AGPAT3: variants seen among roughly 807,000 people sequenced by gnomAD.
AGPAT3 encodes 1-acylglycerol-3-phosphate O-acyltransferase 3.
In AGPAT3, 5 loss-of-function variants were observed where a neutral mutation model predicts 47.3. That is an observed-to-expected ratio of 0.11 (90% CI 0.06 to 0.22). The LOEUF (loss-of-function observed/expected upper bound fraction) is 0.22, where lower values mean the gene tolerates loss of function less well. Ranked by LOEUF, AGPAT3 falls within the 10% of genes least tolerant of loss-of-function variation. AGPAT3 has a pLI of 1.00. For synonymous variants in AGPAT3, 212 were observed against 208.3 expected, an observed-to-expected ratio of 1.02 and a Z score of -0.15; for missense variants, 315 against 493.0, an observed-to-expected ratio of 0.64 and a Z score of 3.42.
rs1285326769 is a variant in AGPAT3, at chr21:43,985,913, C to T, written c.*3521C>T. 6.6e-6 allele frequency: 1 copy of T among 152,594 alleles called. No individual in the cohort carries two copies. Among genetic ancestry groups the T allele is most frequent in the Non-Finnish European group, 1.5e-5 (1 of 68,340 alleles). 9.5% of individuals were successfully genotyped at this position (152,594 alleles called of 1,614,324 possible). On this transcript the variant is annotated 3_prime_UTR_variant, in exon 10 of 10. Coordinates refer to ENST00000291572, the MANE Select transcript of AGPAT3 (RefSeq NM_020132.5). ...ACGGCCAGCCCGAAAAGCCTGCCTGCCTTCTTTCTGGAAACAGCACGTCCC... is the reference window on the plus strand; with the variant it reads ...ACGGCCAGCCCGAAAAGCCTGCCTGTCTTCTTTCTGGAAACAGCACGTCCC...
At chr21:43,975,251 G>A (rs1601472892) in intron 7 of AGPAT3, among the ~76,000 whole-genome samples, 1 of 149,826 alleles carries the variant, frequency 6.7e-6, no homozygotes, top group Admixed American at 6.7e-5. Context: ...GTGTGCTGGT[G>A]TGTGGTGTGT....
chr21:43,890,056 G>A (rs924030669), intron 1 of AGPAT3, among the ~76,000 whole-genome samples: 6 of 152,130 alleles, frequency 3.9e-5, no homozygotes, highest in African/African-American at 1.2e-4. Flanking sequence ...CTGACATTTT[G>A]GATCTGTGTC....
chr21:43,905,054 G>A (rs1319449567), intron 2 of AGPAT3, among the ~76,000 whole-genome samples: 1 of 152,052 alleles, frequency 6.6e-6, no homozygotes, highest in Non-Finnish European at 1.5e-5. Context: ...TAGTCATGGC[G>A]GACCTCAAAC....
At chr21:43,894,058 C>A (rs1273630790) in intron 1 of AGPAT3, among the ~76,000 whole-genome samples, 1 of 152,182 alleles carries the variant, frequency 6.6e-6, no homozygotes, top group African/African-American at 2.4e-5. Flanking sequence ...CGAAGCCAGG[C>A]ACAGTGAACA....
In AGPAT3 at chr21:43,907,944, G is replaced by A. The variant is rs531561014; in HGVS notation, c.-49+3925G>A. 7.3e-4 allele frequency among the ~76,000 whole-genome samples: 111 copies of A among 152,314 alleles called. 1 individual carries two copies. Among genetic ancestry groups the A allele is most frequent in the African/African-American group, 2.5e-3 (103 of 41,566 alleles). On this transcript the variant is annotated intron_variant, in intron 2 of 9. Coordinates refer to ENST00000291572, the MANE Select transcript of AGPAT3 (RefSeq NM_020132.5). ...CGCGCCCTCTCCGTCGCACGGCTCC[G>A]TGTGCTGGAGACCCCACGGGACCGA...
chr21:43,885,120 T>C (rs2085944559), intron 1 of AGPAT3, among the ~76,000 whole-genome samples: 1 of 152,172 alleles, frequency 6.6e-6, no homozygotes, highest in African/African-American at 2.4e-5. Context: ...CCGGCCGTGC[T>C]CCCCTCACCC....
chr21:43,893,251 A>G (rs895725676), intron 1 of AGPAT3, among the ~76,000 whole-genome samples: 3 of 152,124 alleles, frequency 2.0e-5, no homozygotes, highest in Non-Finnish European at 4.4e-5. Flanking sequence ...AAATCTCCTG[A>G]GCCAGCAGCC....
intron 2 of AGPAT3, among the ~76,000 whole-genome samples, chr21:43,929,810 A>C (rs1175480450): frequency 1.3e-5 from 2 of 152,212 alleles, no homozygotes; most frequent in African/African-American, 4.8e-5. Flanking sequence ...CTCTCTGTTG[A>C]GGTCCTGCCT....
At chr21:43,903,571 C>T (rs1359189151) in intron 1 of AGPAT3, among the ~76,000 whole-genome samples, 1 of 152,178 alleles carries the variant, frequency 6.6e-6, no homozygotes, top group African/African-American at 2.4e-5. Context: ...GCATGTAAGG[C>T]TGGTGTAGCT....
At chr21:43,905,089 G>C (rs1233852591) in intron 2 of AGPAT3, among the ~76,000 whole-genome samples, 1 of 152,022 alleles carries the variant, frequency 6.6e-6, no homozygotes, top group Non-Finnish European at 1.5e-5. Context: ...TCTGAGCTGG[G>C]TGCTGAATGC....
Position 43,970,639 on chromosome 21 carries a change from C to G in AGPAT3, c.511-14C>G, listed in dbSNP as rs374771233. The G allele has an allele frequency of 2.4e-5, 39 of 1,612,854 alleles. No homozygotes were observed. Among genetic ancestry groups the G allele is most frequent in the Non-Finnish European group, 3.1e-5 (37 of 1,179,462 alleles). On this transcript the variant is annotated splice_polypyrimidine_tract_variant and intron_variant, in intron 5 of 9. Coordinates refer to ENST00000291572, the MANE Select transcript of AGPAT3 (RefSeq NM_020132.5). The surrounding 1 kb of genome is among the most constrained non-coding windows in gnomAD (Gnocchi z 5.8). ...CTGCTCTGTGGAGTGACCCTGTCTC[C>G]GTGTTGATCCTAGTTTCTCCTGTAC...
rs11370715 is a variant in AGPAT3 at position 43,894,217 on chromosome 21, C to CTT, written c.-111-9725_-111-9724dup. On this transcript the variant is annotated intron_variant, in intron 1 of 9. Coordinates refer to ENST00000291572, the MANE Select transcript of AGPAT3 (RefSeq NM_020132.5). Reference sequence around the variant, plus strand: ...GGGCCAGGTATTTCTTTCTTTCTTTCTTTTTTTTTTTTTTTTAACTTCTCT... The same window carrying CTT: ...GGGCCAGGTATTTCTTTCTTTCTTTCTTTTTTTTTTTTTTTTTTAACTTCTCT... Among the ~76,000 whole-genome samples the CTT allele has an allele frequency of 6.1e-3, 851 of 140,222 alleles. 9 individuals carry two copies. The highest frequency in any genetic ancestry group is 0.02 in the African/African-American group (745 of 37,854). The allele number at this position is 140,222 out of a possible 152,430, so 92.0% of individuals were successfully genotyped here.
intron 2 of AGPAT3, among the ~76,000 whole-genome samples, chr21:43,957,294 G>A (rs961846734): frequency 6.6e-6 from 1 of 152,208 alleles, no homozygotes; most frequent in Non-Finnish European, 1.5e-5. Context: ...CTGGGTGCAA[G>A]AATGGCCACA....
chr21:43,891,229 A>G (rs751942732), intron 1 of AGPAT3, among the ~76,000 whole-genome samples: 10 of 152,220 alleles, frequency 6.6e-5, no homozygotes, highest in African/African-American at 9.7e-5. Flanking sequence ...TGTTTTATCA[A>G]TCAAGTTTAT....
In AGPAT3 at chr21:43,904,032, T is replaced by A. The variant is rs1401883686; in HGVS notation, c.-49+13T>A. ...ACCTTGTGCCTTGGTAAGTGGGCAGTGAGGCCGCCTGACGCAGGGCGCCGT... is the reference window on the plus strand; with the variant it reads ...ACCTTGTGCCTTGGTAAGTGGGCAGAGAGGCCGCCTGACGCAGGGCGCCGT... On this transcript the variant is annotated intron_variant, in intron 2 of 9. Coordinates refer to ENST00000291572, the MANE Select transcript of AGPAT3 (RefSeq NM_020132.5). 6.6e-6 allele frequency: 1 copy of A among 152,092 alleles called. No homozygotes were observed. The highest frequency in any genetic ancestry group is 1.5e-5 in the Non-Finnish European group (1 of 68,256). 9.4% of individuals were successfully genotyped at this position (152,092 alleles called of 1,614,324 possible).
intron 7 of AGPAT3, among the ~76,000 whole-genome samples, chr21:43,975,294 T>C (rs2089568357): frequency 6.7e-6 from 1 of 149,238 alleles, no homozygotes; most frequent in South Asian, 2.1e-4. Flanking sequence ...TATGTTTTGG[T>C]GTGTGCTGGC....
intron 3 of AGPAT3, among the ~76,000 whole-genome samples, chr21:43,964,528 G>T (rs1479463984): frequency 6.6e-6 from 1 of 151,830 alleles, no homozygotes; most frequent in Non-Finnish European, 1.5e-5. Context: ...TAAGTATAGG[G>T]TAGGAAAAAA....
chr21:43,882,921 T>A (rs2085885406), intron 1 of AGPAT3, among the ~76,000 whole-genome samples: 3 of 152,214 alleles, frequency 2.0e-5, no homozygotes, highest in Admixed American at 6.5e-5. Flanking sequence ...GCCGCTCACT[T>A]GTCCTGTGGG....
chr21:43,866,573 GCCCC>G (rs371794408), intron 1 of AGPAT3: 1 of 151,974 alleles, frequency 6.6e-6, no homozygotes, highest in Non-Finnish European at 1.5e-5. Flanking sequence ...CTTCTTTGCC[GCCCC>G]CCCTCCCTCT....
Sources: allele counts gnomAD v4.1 joint callset (sites outside exome capture counted in the v4.1 genomes callset), GRCh38; gene constraint gnomAD v4.1.1; non-coding constraint Gnocchi (gnomAD v3.1); transcripts MANE v1.5; gene names NCBI Gene and HGNC (gene_info 2026-07-23, HGNC 2026-07-21).